The following EYS variants were observed in gnomAD, a reference collection of about 807,000 sequenced individuals.
The protein encoded by EYS is protein eyes shut homolog.
EYS carries 250 observed loss-of-function variants against 282.1 expected under a neutral mutation model. That is an observed-to-expected ratio of 0.89 (90% CI 0.80 to 0.98). EYS has a LOEUF of 0.98. Among genes scored for constraint, EYS ranks in the 50% least tolerant of loss-of-function variants. The pLI is 0.00. For missense variants in EYS, 4,016 were observed against 3,709.0 expected, an observed-to-expected ratio of 1.08 and a Z score of -2.15; for synonymous variants, 1,355 against 1,282.9, an observed-to-expected ratio of 1.06 and a Z score of -1.20.
At chr6:64,053,396 C>T (rs1375186669) in intron 33 of EYS, among the ~76,000 whole-genome samples, 1 of 151,988 alleles carries the variant, frequency 6.6e-6, no homozygotes, top group Non-Finnish European at 1.5e-5. Flanking sequence ...TTGAATATTT[C>T]TTAAGGTTTT....
chr6:64,608,421 A>G (rs2149842714), intron 24 of EYS, among the ~76,000 whole-genome samples: 1 of 152,294 alleles, frequency 6.6e-6, no homozygotes, highest in Middle Eastern at 3.4e-3. Context: ...TTACAATTTT[A>G]GTAATTGCTA....
rs568284194 is a variant in EYS at position 65,001,234 on chromosome 6, G to A, written c.2138-3531C>T. Among the ~76,000 whole-genome samples the A allele has an allele frequency of 3.3e-4, 47 of 142,300 alleles. 4 individuals are homozygous for A. The highest frequency in any genetic ancestry group is 3.5e-3 in the Middle Eastern group (1 of 282). The allele number at this position is 142,300 out of a possible 152,430, so 93.4% of individuals were successfully genotyped here. On this transcript the variant is annotated intron_variant, in intron 13 of 42. Transcript: ENST00000503581. ...ATCCTGAGCTCTTGCCTAGCGTCCC[G>A]GAAGATTCGGGTCACACATGGGCTT... is the stretch of plus-strand genomic sequence containing the variant.
rs1768034438 is a variant in EYS, at chr6:64,638,062, G to A, written c.3444-11817C>T. ...AATATACTGAACTTAAGGATACACT[G>A]AGCATTTCAGAGCAACCCACTGTCC... On this transcript the variant is annotated intron_variant, in intron 22 of 42. Transcript: ENST00000503581. Among the ~76,000 whole-genome samples, 2 of 90,820 alleles carry A rather than the reference G, an allele frequency of 2.2e-5. 1 individual carries two copies. The highest frequency in any genetic ancestry group is 4.7e-5 in the Non-Finnish European group (2 of 42,120). The allele number at this position is 90,820 out of a possible 152,430, so 59.6% of individuals were successfully genotyped here. A position where few individuals can be genotyped will look rare whatever the true frequency, so the allele number is the denominator to read the frequency against.
intron 13 of EYS, among the ~76,000 whole-genome samples, chr6:65,052,215 AGAT>A (rs1441236972): frequency 6.6e-6 from 1 of 151,542 alleles, no homozygotes; most frequent in Non-Finnish European, 1.5e-5. Context: ...TCTGGGGGAA[AGAT>A]GAGTAAGTGT....
rs551842837 is a variant in EYS at position 63,809,148 on chromosome 6, G to A, written c.7229-2776C>T. On this transcript the variant is annotated intron_variant, in intron 36 of 42. Transcript: ENST00000503581. ...TGGGGAGCAATAGGAATCAGGAGAA[G>A]AGGTCAAAGATAATATAATCCATCA... 2.6e-5 allele frequency among the ~76,000 whole-genome samples: 4 copies of A among 152,290 alleles called. No individual in the cohort carries two copies. The South Asian group carries it at 8.3e-4, about 32-fold the overall frequency.
chr6:65,038,216 C>T lies in EYS; in HGVS notation c.2137+19398G>A, dbSNP rs1023620377. ...AAAATGCATACAGTTTTAAAACTCA[C>T]ATTTTTTAAAGATATAATACATTTT... On this transcript the variant is annotated intron_variant, in intron 13 of 42. Transcript: ENST00000503581. Among the ~76,000 whole-genome samples, 20 of 151,666 alleles carry T rather than the reference C, an allele frequency of 1.3e-4. 1 individual carries two copies. In the South Asian group the frequency reaches 2.7e-3, roughly 20 times the overall value.
intron 13 of EYS, among the ~76,000 whole-genome samples, chr6:65,008,358 G>A (rs1036037953): frequency 6.6e-6 from 1 of 151,984 alleles, no homozygotes; most frequent in Admixed American, 6.6e-5. Context: ...AACTTCAAAA[G>A]TCTGCCATAG....
chr6:65,402,699 T>C lies in EYS; in HGVS notation c.1057-94A>G. ...ACCTGGAGAAGGGTTAAAATTATTT[T>C]CATGAACTTGGAGTAGAAATTATCT... On this transcript the variant is annotated intron_variant, in intron 6 of 42. Transcript: ENST00000503581. 3.6e-6 allele frequency: 3 copies of C among 836,052 alleles called. No individual in the cohort carries two copies. The East Asian group carries it at 8.0e-5, about 22-fold the overall frequency. 51.8% of individuals were successfully genotyped at this position (836,052 alleles called of 1,614,324 possible).
intron 22 of EYS, among the ~76,000 whole-genome samples, chr6:64,721,878 C>A (rs1771594386): frequency 6.6e-6 from 1 of 152,052 alleles, no homozygotes. Context: ...TCAGTTGGAA[C>A]CAGATGATAT....
At chr6:65,618,009 A>T (rs1299871533) in intron 2 of EYS, among the ~76,000 whole-genome samples, 1 of 152,128 alleles carries the variant, frequency 6.6e-6, no homozygotes, top group Non-Finnish European at 1.5e-5. Context: ...GCTGCAATAA[A>T]CATACATGTG....
chr6:65,071,429 TG>T (rs924691752), intron 12 of EYS, among the ~76,000 whole-genome samples: 1 of 151,752 alleles, frequency 6.6e-6, no homozygotes, highest in African/African-American at 2.4e-5. Context: ...AATGGAATTC[TG>T]GAAAAAATAA....
At chr6:65,512,898 A>T (rs1355155178) in intron 2 of EYS, among the ~76,000 whole-genome samples, 3 of 152,214 alleles carry the variant, frequency 2.0e-5, no homozygotes, top group Non-Finnish European at 4.4e-5. Context: ...GCAAGAGCAA[A>T]CACATTCAAA....
intron 12 of EYS, among the ~76,000 whole-genome samples, chr6:65,283,305 C>T (rs1248605648): frequency 1.3e-5 from 2 of 151,866 alleles, no homozygotes; most frequent in African/African-American, 2.4e-5. Flanking sequence ...TATTTCAGCT[C>T]ATGATGTTAA....
chr6:65,615,785 T>A (rs993007063), intron 2 of EYS, among the ~76,000 whole-genome samples: 2 of 151,922 alleles, frequency 1.3e-5, no homozygotes, highest in Admixed American at 6.6e-5. Flanking sequence ...ATACAAAAAA[T>A]TAGCCGGTCG....
intron 25 of EYS, among the ~76,000 whole-genome samples, chr6:64,592,364 C>T (rs552741705): frequency 5.3e-5 from 8 of 152,112 alleles, no homozygotes; most frequent in South Asian, 2.1e-4. Flanking sequence ...TTAGAAATAC[C>T]GTTTTACTTC....
chr6:65,058,337 G>C (rs563141863), intron 12 of EYS, among the ~76,000 whole-genome samples: 8 of 152,124 alleles, frequency 5.3e-5, no homozygotes, highest in African/African-American at 1.9e-4. Context: ...TTTCAGTAGA[G>C]ACAGGGCTTC....
intron 36 of EYS, among the ~76,000 whole-genome samples, chr6:63,841,348 C>T (rs1052981886): frequency 4.6e-5 from 7 of 152,060 alleles, no homozygotes; most frequent in African/African-American, 1.7e-4. Flanking sequence ...AAAGTTAAAA[C>T]CACAGGTTTT....
chr6:65,468,082 G>A (rs1765073974), intron 5 of EYS, among the ~76,000 whole-genome samples: 1 of 152,056 alleles, frequency 6.6e-6, no homozygotes, highest in African/African-American at 2.4e-5. Context: ...TACCAGAGAA[G>A]AACTAAGGGC....
At chr6:65,245,426 CTG>C (rs1398856333) in intron 12 of EYS, among the ~76,000 whole-genome samples, 2 of 152,074 alleles carry the variant, frequency 1.3e-5, no homozygotes, top group Non-Finnish European at 2.9e-5. Flanking sequence ...CAAATTAAAA[CTG>C]TATTTCATTC....
Sources: allele counts gnomAD v4.1 joint callset (sites outside exome capture counted in the v4.1 genomes callset), GRCh38; gene constraint gnomAD v4.1.1; transcripts MANE v1.5; gene names NCBI Gene and HGNC (gene_info 2026-07-23, HGNC 2026-07-21).